The following UMAD1 variants were observed in gnomAD, a reference collection of about 807,000 sequenced individuals.
UMAD1 encodes UBAP1-MVB12-associated (UMA) domain containing 1, also known as UBAP1-MVB12-associated (UMA)-domain containing protein 1.
In UMAD1, 8 loss-of-function variants were observed where a neutral mutation model predicts 6.1. That is an observed-to-expected ratio of 1.30 (90% CI 0.76 to 2.35). The LOEUF (loss-of-function observed/expected upper bound fraction) is 2.35, where lower values mean the gene tolerates loss of function less well. Ranked by LOEUF, UMAD1 falls within the 30% of genes most tolerant of loss-of-function variation. The pLI is 0.00. For missense variants in UMAD1, 130 were observed against 78.4 expected (o/e 1.66, Z -2.49); for synonymous variants, 56 against 31.4 (o/e 1.78, Z -2.61).
chr7:7,809,085 A>G (rs76264380), intron 3 of UMAD1, among the ~76,000 whole-genome samples: 2,941 of 152,086 alleles, frequency 0.019, 114 homozygotes, highest in African/African-American at 0.067. Context: ...GCCAATTTGT[A>G]CTAGCAAATT....
chr7:7,670,498 C>T (rs771024757), intron 1 of UMAD1, among the ~76,000 whole-genome samples: 8 of 152,158 alleles, frequency 5.3e-5, no homozygotes, highest in Non-Finnish European at 7.4e-5. Flanking sequence ...ACAGCCCTAA[C>T]GATTCGGTGG....
At chr7:7,860,719 G>A (rs1203915583) in intron 3 of UMAD1, among the ~76,000 whole-genome samples, 2 of 149,674 alleles carry the variant, frequency 1.3e-5, no homozygotes, top group Non-Finnish European at 3.0e-5. Context: ...AGCTTGCAGT[G>A]AGCCAAGATT....
intron 2 of UMAD1, among the ~76,000 whole-genome samples, chr7:7,764,637 T>A (rs1024443991): frequency 6.6e-6 from 1 of 152,216 alleles, no homozygotes; most frequent in African/African-American, 2.4e-5. Context: ...CTCCATTAGG[T>A]AACAGTGCCG....
intron 3 of UMAD1, among the ~76,000 whole-genome samples, chr7:7,864,747 C>G (rs1417017649): frequency 6.6e-6 from 1 of 151,770 alleles, no homozygotes. Flanking sequence ...AATGAGATGG[C>G]TCTTGGTGGT....
chr7:7,701,028 C>T (rs76537944), intron 2 of UMAD1, among the ~76,000 whole-genome samples: 11,623 of 152,220 alleles, frequency 0.076, 576 homozygotes, highest in Admixed American at 0.098. Flanking sequence ...CCAGCATGGG[C>T]AACAGAGGGA....
intron 2 of UMAD1, among the ~76,000 whole-genome samples, chr7:7,682,020 T>C (rs1339070562): frequency 4.6e-5 from 7 of 152,190 alleles, no homozygotes. Flanking sequence ...GGTTCACTAA[T>C]ATTGTTGACC....
chr7:7,835,328 T>C (rs190892196), intron 3 of UMAD1, among the ~76,000 whole-genome samples: 1 of 151,872 alleles, frequency 6.6e-6, no homozygotes, highest in East Asian at 1.9e-4. Flanking sequence ...TGTCTTTATG[T>C]ATTCTAAAAG....
At position 7,878,490 on chromosome 7, in the gene UMAD1, C is replaced by G. The variant is rs1002681698; in HGVS notation, c.*952C>G. 4.6e-5 allele frequency: 7 copies of G among 152,128 alleles called. No individual in the cohort carries two copies. Among genetic ancestry groups the G allele is most frequent in the African/African-American group, 1.7e-4 (7 of 41,418 alleles). 9.4% of individuals were successfully genotyped at this position (152,128 alleles called of 1,614,324 possible). ...TCCAATTAGAGTATAGGCAGAACACCTAGATATGACTTTTAGTTCTTGAAT... is the reference window on the plus strand; with the variant it reads ...TCCAATTAGAGTATAGGCAGAACACGTAGATATGACTTTTAGTTCTTGAAT... On this transcript the variant is annotated 3_prime_UTR_variant, in exon 4 of 4. Transcript: ENST00000682710.
chr7:7,806,641 C>T (rs900681465), intron 3 of UMAD1, among the ~76,000 whole-genome samples: 2 of 152,098 alleles, frequency 1.3e-5, no homozygotes, highest in African/African-American at 4.8e-5. Context: ...AATTTTCTTG[C>T]ATTTCTTTGG....
At chr7:7,644,422 A>G (rs1785050089) in intron 1 of UMAD1, among the ~76,000 whole-genome samples, 1 of 151,092 alleles carries the variant, frequency 6.6e-6, no homozygotes, top group Non-Finnish European at 1.5e-5. Flanking sequence ...AGTTTAATGT[A>G]GGAGAAAAGT....
Position 7,681,941 on chromosome 7 carries a change from A to G in UMAD1, c.82+8488A>G, listed in dbSNP as rs560664015. The stretch of plus-strand genomic sequence containing the variant: ...GAATTAGCTTATTATGTTATAGCAA[A>G]AAGAAGGAAAAATAACAACAAAAAG... On this transcript the variant is annotated intron_variant, in intron 2 of 3. Transcript: ENST00000682710. 5.9e-5 allele frequency among the ~76,000 whole-genome samples: 9 copies of G among 152,304 alleles called. 1 individual carries two copies. The highest frequency in any genetic ancestry group is 1.9e-4 in the African/African-American group (8 of 41,578).
At chr7:7,692,854 G>T (rs887204884) in intron 2 of UMAD1, among the ~76,000 whole-genome samples, 5 of 152,150 alleles carry the variant, frequency 3.3e-5, no homozygotes, top group African/African-American at 1.2e-4. Flanking sequence ...TGATCTGCCT[G>T]CCTCGGCTTC....
intron 2 of UMAD1, among the ~76,000 whole-genome samples, chr7:7,704,872 C>T (rs918705151): frequency 3.0e-5 from 4 of 134,502 alleles, no homozygotes; most frequent in African/African-American, 1.1e-4. Context: ...TGAAAAAAAA[C>T]GATGTGTTTT....
chr7:7,659,653 C>T (rs531458203), intron 1 of UMAD1, among the ~76,000 whole-genome samples: 2 of 152,338 alleles, frequency 1.3e-5, no homozygotes, highest in African/African-American at 2.4e-5. Flanking sequence ...CATTTGATTG[C>T]ACTGTGGTCT....
intron 2 of UMAD1, chr7:7,736,250 G>C (rs1167628336): frequency 6.6e-6 from 1 of 152,298 alleles, no homozygotes; most frequent in Non-Finnish European, 1.5e-5. Flanking sequence ...GTGTCTGCTG[G>C]TCAGGCCTTC....
intron 2 of UMAD1, among the ~76,000 whole-genome samples, chr7:7,719,533 A>G (rs1781001369): frequency 6.6e-6 from 1 of 152,182 alleles, no homozygotes; most frequent in African/African-American, 2.4e-5. Flanking sequence ...TTTTGAATGT[A>G]TTCTAACCAC....
intron 3 of UMAD1, among the ~76,000 whole-genome samples, chr7:7,816,464 G>C (rs6463728): frequency 0.87 from 132,467 of 152,250 alleles, 57,740 homozygotes; most frequent in Middle Eastern, 0.89. Flanking sequence ...AGATGAGGCC[G>C]GGAGAGGAAG....
chr7:7,736,833 C>T (rs562215622), intron 2 of UMAD1: 2 of 152,370 alleles, frequency 1.3e-5, no homozygotes, highest in African/African-American at 4.8e-5. Context: ...GATGTCACAT[C>T]CTTTACCAAT....
At chr7:7,643,990 G>C (rs751902721) in intron 1 of UMAD1, among the ~76,000 whole-genome samples, 1 of 151,990 alleles carries the variant, frequency 6.6e-6, no homozygotes, top group Non-Finnish European at 1.5e-5. Flanking sequence ...GGTAACTTGG[G>C]GTAACTTGGA....
Sources: gnomAD v4.1 joint callset for allele counts (sites outside exome capture counted in the v4.1 genomes callset) on GRCh38, gnomAD v4.1.1 for gene constraint, MANE v1.5 for transcripts, NCBI Gene and HGNC (gene_info 2026-07-23, HGNC 2026-07-21) for gene names.